The following COL25A1 variants were observed in gnomAD, a reference collection of about 807,000 sequenced individuals.
COL25A1 encodes the protein collagen type XXV alpha 1 chain.
COL25A1 carries 103 observed loss-of-function variants against 128.4 expected under a neutral mutation model. The ratio of observed to expected loss-of-function variants is 0.80; its 90% CI spans 0.68 to 0.94. The LOEUF (loss-of-function observed/expected upper bound fraction) is 0.94. Ranked by LOEUF, COL25A1 falls within the 40% of genes least tolerant of loss-of-function variation. COL25A1 has a pLI of 0.00. For missense variants in COL25A1, 745 were observed against 840.0 expected (o/e 0.89, Z 1.40); for synonymous variants, 279 against 277.2 (o/e 1.01, Z -0.06).
intron 3 of COL25A1, among the ~76,000 whole-genome samples, chr4:109,201,499 A>G (rs1277062504): frequency 6.6e-6 from 1 of 152,196 alleles, no homozygotes; most frequent in Non-Finnish European, 1.5e-5. Flanking sequence ...TCAACCAGAG[A>G]AAAAACACCT....
chr4:109,131,067 A>C (rs1769148650), intron 3 of COL25A1, among the ~76,000 whole-genome samples: 5 of 152,192 alleles, frequency 3.3e-5, no homozygotes, highest in Admixed American at 2.6e-4. Context: ...ATTTCAAATA[A>C]TTTCACAATA....
intron 3 of COL25A1, among the ~76,000 whole-genome samples, chr4:109,288,911 A>G (rs1724152315): frequency 6.6e-6 from 1 of 151,854 alleles, no homozygotes; most frequent in Admixed American, 6.6e-5. Context: ...ATATGAAAGG[A>G]AACAGAATAA....
chr4:109,092,462 C>T lies in COL25A1; in HGVS notation c.368-42283G>A, dbSNP rs531895730. Among the ~76,000 whole-genome samples, 23 of 152,252 alleles carry T rather than the reference C, an allele frequency of 1.5e-4. 1 individual carries two copies. Among genetic ancestry groups the T allele is most frequent in the African/African-American group, 5.5e-4 (23 of 41,560 alleles). ...TATGGTCATGCCACTGCATTCCCGCCTGGGTGACAGAGCGAGATGCACACA... is the reference window on the plus strand; with the variant it reads ...TATGGTCATGCCACTGCATTCCCGCTTGGGTGACAGAGCGAGATGCACACA... On this transcript the variant is annotated intron_variant, in intron 3 of 37. Coordinates refer to ENST00000399132, the MANE Select transcript of COL25A1 (RefSeq NM_198721.4).
intron 19 of COL25A1, among the ~76,000 whole-genome samples, chr4:108,883,206 T>C (rs545855084): frequency 6.6e-6 from 1 of 152,190 alleles, no homozygotes; most frequent in East Asian, 1.9e-4. Flanking sequence ...TTTTTGTATT[T>C]TTCATAGATA....
chr4:109,274,056 C>T (rs931308561), intron 3 of COL25A1, among the ~76,000 whole-genome samples: 2 of 152,146 alleles, frequency 1.3e-5, no homozygotes, highest in Non-Finnish European at 2.9e-5. Context: ...ATCCTCTTTC[C>T]TCAGAATTCA....
chr4:109,301,526 G>C (rs910208242), intron 2 of COL25A1, among the ~76,000 whole-genome samples, 197 bp downstream of exon 2: 1 of 152,162 alleles, frequency 6.6e-6, no homozygotes, highest in Admixed American at 6.5e-5. Context: ...ATTAGAGATA[G>C]GGATGGGGAC....
chr4:109,242,718 T>C (rs1445268403), intron 3 of COL25A1, among the ~76,000 whole-genome samples: 2 of 152,116 alleles, frequency 1.3e-5, no homozygotes, highest in Non-Finnish European at 2.9e-5. Flanking sequence ...TTAATTCTTT[T>C]ATTTCCAGAG....
intron 10 of COL25A1, among the ~76,000 whole-genome samples, chr4:108,940,183 G>A (rs1422864493): frequency 1.3e-5 from 2 of 152,130 alleles, no homozygotes; most frequent in African/African-American, 4.8e-5. Context: ...AGGCCCCGGT[G>A]CACACTACGG....
intron 33 of COL25A1, among the ~76,000 whole-genome samples, chr4:108,826,010 T>G (rs1458854491): frequency 7.2e-5 from 11 of 152,202 alleles, no homozygotes; most frequent in Non-Finnish European, 1.3e-4. Flanking sequence ...AATTAGATTT[T>G]GAAACCTATT....
rs184715539 is a variant in COL25A1 at position 109,048,207 on chromosome 4, G to T, written c.413-32C>A. On this transcript the variant is annotated intron_variant, in intron 4 of 37. Transcript: ENST00000399132. The stretch of plus-strand genomic sequence containing the variant: ...GGGGAGCAGGTGGAGAGAGAAGAGA[G>T]AGAGAGGAGTTAGTGAATATGCAAA... The T allele has an allele frequency of 9.3e-5, 149 of 1,602,876 alleles. 1 individual carries two copies. In the African/African-American group the frequency reaches 1.6e-3, roughly 17 times the overall value.
chr4:109,159,187 T>C (rs1452683998), intron 3 of COL25A1, among the ~76,000 whole-genome samples: 2 of 151,032 alleles, frequency 1.3e-5, no homozygotes, highest in African/African-American at 4.9e-5. Context: ...AAATATAACA[T>C]GCATTCTAGA....
At chr4:108,819,421 G>T in intron 35 of COL25A1, 92 bp from the exon 36 acceptor site, 1 of 1,001,660 alleles carries the variant, frequency 1.0e-6, no homozygotes, top group African/African-American at 1.6e-5. Context: ...AACAAAGGCT[G>T]GGAGAGGAGC....
intron 19 of COL25A1, among the ~76,000 whole-genome samples, chr4:108,879,634 A>G (rs1475641447): frequency 2.6e-5 from 4 of 151,836 alleles, no homozygotes; most frequent in African/African-American, 9.7e-5. Context: ...TTTAGTAGAG[A>G]TGTGGTTTCA....
At chr4:109,195,380 T>C (rs1176164070) in intron 3 of COL25A1, among the ~76,000 whole-genome samples, 2 of 152,246 alleles carry the variant, frequency 1.3e-5, no homozygotes, top group South Asian at 2.1e-4. Flanking sequence ...TGCATTATTA[T>C]AGCAACAATT....
chr4:108,984,188 G>C (rs898245149), intron 6 of COL25A1, among the ~76,000 whole-genome samples: 8 of 152,174 alleles, frequency 5.3e-5, no homozygotes, highest in African/African-American at 1.7e-4. Context: ...CACAAACCCT[G>C]ACCTAGACAC....
intron 3 of COL25A1, among the ~76,000 whole-genome samples, chr4:109,157,667 G>A (rs1341097597): frequency 6.6e-6 from 1 of 152,198 alleles, no homozygotes; most frequent in Non-Finnish European, 1.5e-5. Context: ...GGTTGGCACA[G>A]TTTTATTTCA....
chr4:109,215,821 C>G (rs186915291), intron 3 of COL25A1, among the ~76,000 whole-genome samples: 1 of 152,262 alleles, frequency 6.6e-6, no homozygotes, highest in East Asian at 1.9e-4. Context: ...ATGAATACAG[C>G]ATGAGACCCT....
chr4:108,911,640 A>T (rs976113445), intron 13 of COL25A1, among the ~76,000 whole-genome samples: 8 of 152,120 alleles, frequency 5.3e-5, no homozygotes, highest in Non-Finnish European at 1.0e-4. Flanking sequence ...ATTTAAGGGA[A>T]ATTTCTTTAA....
At chr4:109,280,543 G>A (rs1209600707) in intron 3 of COL25A1, among the ~76,000 whole-genome samples, 2 of 152,104 alleles carry the variant, frequency 1.3e-5, no homozygotes, top group Admixed American at 6.5e-5. Context: ...AGACCATGGT[G>A]GAAACCTGAA....
Sources: allele counts gnomAD v4.1 joint callset (sites outside exome capture counted in the v4.1 genomes callset), GRCh38; gene constraint gnomAD v4.1.1; transcripts MANE v1.5; gene names NCBI Gene and HGNC (gene_info 2026-07-23, HGNC 2026-07-21).